HIPK2: variants seen among roughly 807,000 people sequenced by gnomAD.
The protein encoded by HIPK2 is homeodomain interacting protein kinase 2, also known as homeodomain-interacting protein kinase 2.
Under a neutral mutation model 113.7 loss-of-function variants are expected in HIPK2, and 27 were observed. The observed-to-expected ratio is 0.24, with a 90% confidence interval of 0.17 to 0.33. The LOEUF (loss-of-function observed/expected upper bound fraction) is 0.33. Among genes scored for constraint, HIPK2 ranks in the 10% least tolerant of loss-of-function variants. The probability of loss-of-function intolerance (pLI) is 1.00; values close to 1 mark genes in which losing one functional copy is unlikely to be tolerated. For synonymous variants in HIPK2, 631 were observed against 642.2 expected (o/e 0.98, Z 0.26); for missense variants, 1,257 against 1,588.0 (o/e 0.79, Z 3.54).
intron 2 of HIPK2, among the ~76,000 whole-genome samples, chr7:139,687,781 C>T (rs1449066625): frequency 6.6e-6 from 1 of 152,178 alleles, no homozygotes; most frequent in Non-Finnish European, 1.5e-5. Context: ...TCTTCCTGTC[C>T]CAGGCTAAAC....
intron 2 of HIPK2, among the ~76,000 whole-genome samples, chr7:139,664,066 G>A (rs1801959327): frequency 6.6e-6 from 1 of 152,192 alleles, no homozygotes; most frequent in South Asian, 2.1e-4. Context: ...CTCACACTTG[G>A]TCATCTCGCT....
intron 2 of HIPK2, among the ~76,000 whole-genome samples, chr7:139,693,213 G>A (rs898233984): frequency 6.6e-6 from 1 of 152,188 alleles, no homozygotes; most frequent in African/African-American, 2.4e-5. Flanking sequence ...AAAATGCCTT[G>A]TGAAGAACAG....
chr7:139,587,616 A>G (rs1038301544), intron 12 of HIPK2, among the ~76,000 whole-genome samples: 1 of 152,120 alleles, frequency 6.6e-6, no homozygotes, highest in Non-Finnish European at 1.5e-5. Context: ...CAAGAATTAC[A>G]AAGTGGAAGC....
intron 2 of HIPK2, among the ~76,000 whole-genome samples, chr7:139,659,185 G>A (rs943267656): frequency 3.3e-5 from 5 of 152,056 alleles, no homozygotes; most frequent in African/African-American, 7.2e-5. Flanking sequence ...TTTCTATGCC[G>A]CTTGTGTCCA....
intron 1 of HIPK2, among the ~76,000 whole-genome samples, chr7:139,774,286 A>T (rs1420603077): frequency 6.6e-6 from 1 of 152,238 alleles, no homozygotes; most frequent in Admixed American, 6.5e-5. Flanking sequence ...ACTAGTTTCT[A>T]ATGGAGTTCC....
At chr7:139,763,472 G>GCCCC (rs547691856) in intron 1 of HIPK2, among the ~76,000 whole-genome samples, 24 of 100,806 alleles carry the variant, frequency 2.4e-4, no homozygotes, top group African/African-American at 9.2e-4. Flanking sequence ...GCCGGAACAC[G>GCCCC]CCCCCCCCCC....
intron 2 of HIPK2, among the ~76,000 whole-genome samples, chr7:139,704,061 CA>C (rs1794805229): frequency 3.2e-5 from 4 of 126,702 alleles, no homozygotes; most frequent in Non-Finnish European, 6.7e-5. Flanking sequence ...AACACACACA[CA>C]CCCAACACAT....
chr7:139,707,245 C>T (rs774018595), intron 2 of HIPK2, among the ~76,000 whole-genome samples: 12 of 152,264 alleles, frequency 7.9e-5, no homozygotes, highest in Non-Finnish European at 1.5e-4. Context: ...TGGGGAAATT[C>T]GAGACAGTTG....
At chr7:139,608,056 C>T (rs912440132) in intron 9 of HIPK2, among the ~76,000 whole-genome samples, 8 of 151,798 alleles carry the variant, frequency 5.3e-5, no homozygotes, top group Non-Finnish European at 1.2e-4. Flanking sequence ...CTGGCCAACA[C>T]ATTGAAACCT....
rs567008149 is a variant in HIPK2 at position 139,578,382 on chromosome 7, G to C, written c.2966-3094C>G. Reference sequence around the variant, plus strand: ...GCTGGTCGTGAACTCCTGACCTCAAGTGATTTGCCTGCCTCAGCCTCCCAA... The same window carrying C: ...GCTGGTCGTGAACTCCTGACCTCAACTGATTTGCCTGCCTCAGCCTCCCAA... On this transcript the variant is annotated intron_variant, in intron 13 of 14. Coordinates refer to ENST00000406875, the MANE Select transcript of HIPK2 (RefSeq NM_022740.5). 5.9e-5 allele frequency among the ~76,000 whole-genome samples: 9 copies of C among 152,314 alleles called. No homozygotes were observed. The South Asian group carries it at 1.7e-3, about 28-fold the overall frequency.
At chr7:139,681,570 A>G (rs1417806746) in intron 2 of HIPK2, among the ~76,000 whole-genome samples, 1 of 152,054 alleles carries the variant, frequency 6.6e-6, no homozygotes, top group Non-Finnish European at 1.5e-5. Flanking sequence ...GTGACCACAA[A>G]AGAGGCTGCT....
chr7:139,579,708 C>T (rs1798605948), intron 13 of HIPK2, among the ~76,000 whole-genome samples: 1 of 151,734 alleles, frequency 6.6e-6, no homozygotes, highest in African/African-American at 2.4e-5. Flanking sequence ...GCCTTCCTGA[C>T]CCCAAAACTC....
At chr7:139,697,178 T>C (rs1209702738) in intron 2 of HIPK2, among the ~76,000 whole-genome samples, 4 of 152,182 alleles carry the variant, frequency 2.6e-5, no homozygotes, top group African/African-American at 7.2e-5. Flanking sequence ...GGCCTGGCTT[T>C]ACCTCCTGCC....
At position 139,562,545 on chromosome 7, in the gene HIPK2, G is replaced by C. The variant is rs1011725682; in HGVS notation, c.*10382C>G. 1 of 152,260 alleles carries C rather than the reference G, an allele frequency of 6.6e-6. No homozygotes were observed. Among genetic ancestry groups the C allele is most frequent in the Non-Finnish European group, 1.5e-5 (1 of 68,044 alleles). 9.4% of individuals were successfully genotyped at this position (152,260 alleles called of 1,614,324 possible). ...ACAGAGTATCAGAGGCTGCAGCTCA[G>C]TACACGTGGTCAAAGCAAAACGGGA... is the stretch of plus-strand genomic sequence containing the variant. On this transcript the variant is annotated 3_prime_UTR_variant, in exon 15 of 15. Transcript: ENST00000406875.
Position 139,569,759 on chromosome 7 carries a change from A to G in HIPK2, c.*3168T>C, listed in dbSNP as rs2116424132. 1 of 152,006 alleles carries G rather than the reference A, an allele frequency of 6.6e-6. No homozygotes were observed. Among genetic ancestry groups the G allele is most frequent in the East Asian group, 1.9e-4 (1 of 5,188 alleles). 9.4% of individuals were successfully genotyped at this position (152,006 alleles called of 1,614,324 possible). On this transcript the variant is annotated 3_prime_UTR_variant, in exon 15 of 15. Transcript: ENST00000406875. ...TCTTTCCTTTTTTTTTTTGCCTGAC[A>G]AAACTGGACATCTGGATGTCCCTCC...
intron 2 of HIPK2, among the ~76,000 whole-genome samples, chr7:139,712,776 C>A (rs932895663): frequency 6.6e-6 from 1 of 152,164 alleles, no homozygotes; most frequent in Admixed American, 6.6e-5. Flanking sequence ...GCTGGCTGTC[C>A]CACACAGCTG....
chr7:139,670,770 T>G lies in HIPK2; in HGVS notation c.1104-39045A>C, dbSNP rs1436363001. Among the ~76,000 whole-genome samples, 3 of 133,178 alleles carry G rather than the reference T, an allele frequency of 2.3e-5. No homozygotes were observed. In the East Asian group the frequency reaches 6.3e-4, roughly 28 times the overall value. 87.4% of individuals were successfully genotyped at this position (133,178 alleles called of 152,430 possible). On this transcript the variant is annotated intron_variant, in intron 2 of 14. Transcript: ENST00000406875. ...TTCTTTCTTTCTTTCTTTTTTTTTT[T>G]TTTTTTTTTTTGAGGCAGAGTCTTG...
chr7:139,753,325 G>A (rs1796310526), intron 1 of HIPK2, among the ~76,000 whole-genome samples: 1 of 152,202 alleles, frequency 6.6e-6, no homozygotes. Context: ...GAGGGTGCTG[G>A]CGTGGCAGCT....
intron 5 of HIPK2, among the ~76,000 whole-genome samples, chr7:139,628,158 G>T (rs1402242963): frequency 1.3e-5 from 2 of 152,186 alleles, no homozygotes; most frequent in East Asian, 3.9e-4. Flanking sequence ...GCCAGAAGCT[G>T]GGAGACAGAC....
Sources: allele counts gnomAD v4.1 joint callset (sites outside exome capture counted in the v4.1 genomes callset), GRCh38; gene constraint gnomAD v4.1.1; transcripts MANE v1.5; gene names NCBI Gene and HGNC (gene_info 2026-07-23, HGNC 2026-07-21).